The following UBTD2 variants were observed in gnomAD, a reference collection of about 807,000 sequenced individuals.
The protein encoded by UBTD2 is ubiquitin domain containing 2.
A neutral mutation model predicts 19.8 loss-of-function variants in UBTD2; 9 were observed. That is an observed-to-expected ratio of 0.46 (90% CI 0.27 to 0.79). The LOEUF (loss-of-function observed/expected upper bound fraction) is 0.79, where lower values mean the gene tolerates loss of function less well. UBTD2 is among the 30% of genes least tolerant of loss of function. The pLI, the probability that UBTD2 is intolerant of heterozygous loss-of-function variation, is 0.14. For synonymous variants in UBTD2, 98 were observed against 103.9 expected (o/e 0.94, Z 0.35); for missense variants, 250 against 300.4 (o/e 0.83, Z 1.24).
chr5:172,236,246 A>C (rs769371576), intron 1 of UBTD2, among the ~76,000 whole-genome samples: 4 of 152,230 alleles, frequency 2.6e-5, no homozygotes, highest in Non-Finnish European at 2.9e-5. Context: ...TGTCCTAGTG[A>C]AATGCAAAAC....
intron 1 of UBTD2, among the ~76,000 whole-genome samples, chr5:172,258,452 T>A (rs1237216906): frequency 6.6e-6 from 1 of 152,230 alleles, no homozygotes; most frequent in Non-Finnish European, 1.5e-5. Context: ...TAGGATTGTT[T>A]TGGCTTTTTG....
upstream of UBTD2, chr5:172,283,768 C>G (rs918623009): frequency 7.7e-6 from 6 of 780,860 alleles, no homozygotes; most frequent in Middle Eastern, 5.2e-4. The surrounding 1 kb of genome is among the most constrained non-coding windows in gnomAD (Gnocchi z 4.3). Context: ...TCCGGACAGG[C>G]GCGCCGCTCC....
At chr5:172,253,481 G>C (rs1755070882) in intron 1 of UBTD2, among the ~76,000 whole-genome samples, 1 of 147,378 alleles carries the variant, frequency 6.8e-6, no homozygotes, top group Non-Finnish European at 1.5e-5. Flanking sequence ...TTGAGATGGA[G>C]TCTCACTCTG....
intron 1 of UBTD2, among the ~76,000 whole-genome samples, chr5:172,237,995 T>C (rs1772046006): frequency 6.6e-6 from 1 of 152,222 alleles, no homozygotes; most frequent in Admixed American, 6.5e-5. Flanking sequence ...TGCTAGGCAT[T>C]TGTTCACCAA....
intron 2 of UBTD2, among the ~76,000 whole-genome samples, chr5:172,233,503 A>C (rs1771945505): frequency 6.6e-6 from 1 of 152,224 alleles, no homozygotes; most frequent in African/African-American, 2.4e-5. Flanking sequence ...CCCCAGAAAC[A>C]TTCAAAGCTT....
intron 1 of UBTD2, among the ~76,000 whole-genome samples, chr5:172,275,986 C>T (rs1561868575): frequency 6.6e-6 from 1 of 152,176 alleles, no homozygotes; most frequent in Non-Finnish European, 1.5e-5. Context: ...TCATGGGTTC[C>T]TCATCCTAGT....
At chr5:172,233,118 A>G (rs1459717206) in intron 2 of UBTD2, among the ~76,000 whole-genome samples, 1 of 152,208 alleles carries the variant, frequency 6.6e-6, no homozygotes, top group African/African-American at 2.4e-5. Context: ...TCTGTCTCAA[A>G]AAAGAGAGAG....
At chr5:172,250,232 CA>C (rs1290291080) in intron 1 of UBTD2, among the ~76,000 whole-genome samples, 1 of 151,760 alleles carries the variant, frequency 6.6e-6, no homozygotes, top group Non-Finnish European at 1.5e-5. Flanking sequence ...AACTCCATCT[CA>C]AAAAAATAAA....
At chr5:172,278,824 G>A (rs1388489165) in intron 1 of UBTD2, among the ~76,000 whole-genome samples, 1 of 152,008 alleles carries the variant, frequency 6.6e-6, no homozygotes, top group Non-Finnish European at 1.5e-5. Flanking sequence ...ACCCAGGCTG[G>A]AGTGCAATGG....
At chr5:172,268,567 T>C (rs964238813) in intron 1 of UBTD2, among the ~76,000 whole-genome samples, 4 of 152,228 alleles carry the variant, frequency 2.6e-5, no homozygotes, top group Non-Finnish European at 4.4e-5. Context: ...GCCAACATGG[T>C]AAAACCCCGT....
intron 1 of UBTD2, among the ~76,000 whole-genome samples, chr5:172,281,296 C>CA (rs1371728040): frequency 6.6e-6 from 1 of 152,186 alleles, no homozygotes; most frequent in Non-Finnish European, 1.5e-5. Context: ...TAACCCAACA[C>CA]ATTCAGATTA....
chr5:172,246,184 A>G (rs1754880297), intron 1 of UBTD2, among the ~76,000 whole-genome samples: 1 of 152,214 alleles, frequency 6.6e-6, no homozygotes, highest in African/African-American at 2.4e-5. Context: ...TAGCAGAGAA[A>G]CTGAAATGCT....
intron 2 of UBTD2, among the ~76,000 whole-genome samples, chr5:172,220,521 G>T (rs1771630787): frequency 6.6e-6 from 1 of 152,198 alleles, no homozygotes; most frequent in African/African-American, 2.4e-5. Flanking sequence ...TGTAATCCCA[G>T]CTATTCGGGA....
chr5:172,227,692 ATTCTTTTTTTTTTT>A (rs1383413566), intron 2 of UBTD2, among the ~76,000 whole-genome samples: 2 of 129,562 alleles, frequency 1.5e-5, no homozygotes, highest in Non-Finnish European at 1.6e-5. Flanking sequence ...CAAATGAAAA[ATTCTTTTTTTTTTT>A]TTTTTTTTTT....
chr5:172,272,900 G>T (rs1195718761), intron 1 of UBTD2, among the ~76,000 whole-genome samples: 4 of 152,030 alleles, frequency 2.6e-5, no homozygotes, highest in Non-Finnish European at 4.4e-5. Context: ...CCAACATGGT[G>T]AAACCCCATC....
intron 1 of UBTD2, among the ~76,000 whole-genome samples, chr5:172,263,722 A>G (rs1364636406): frequency 2.0e-5 from 3 of 152,130 alleles, no homozygotes; most frequent in Admixed American, 6.5e-5. Context: ...TGGACCCAGG[A>G]GGTGGAGCTT....
chr5:172,244,259 T>TCC (rs1311072061), intron 1 of UBTD2, among the ~76,000 whole-genome samples: 1 of 151,556 alleles, frequency 6.6e-6, no homozygotes, highest in Non-Finnish European at 1.5e-5. Flanking sequence ...ATTTGATGAA[T>TCC]CAATTTATCG....
chr5:172,257,679 A>G (rs1052130680), intron 1 of UBTD2, among the ~76,000 whole-genome samples: 12 of 152,190 alleles, frequency 7.9e-5, no homozygotes, highest in African/African-American at 2.9e-4. Flanking sequence ...GATTGGTGTG[A>G]TAGTATCTCA....
chr5:172,238,182 T>C (rs1772050522), intron 1 of UBTD2, among the ~76,000 whole-genome samples: 1 of 152,238 alleles, frequency 6.6e-6, no homozygotes, highest in Non-Finnish European at 1.5e-5. Flanking sequence ...TCTTAAACTT[T>C]CAGTTTTATC....
Sources: allele counts gnomAD v4.1 joint callset (sites outside exome capture counted in the v4.1 genomes callset), GRCh38; gene constraint gnomAD v4.1.1; non-coding constraint Gnocchi (gnomAD v3.1); transcripts MANE v1.5; gene names NCBI Gene and HGNC (gene_info 2026-07-23, HGNC 2026-07-21).